The following NKAIN3 variants were observed in gnomAD, a reference collection of about 807,000 sequenced individuals.
The protein encoded by NKAIN3 is sodium/potassium-transporting ATPase subunit beta-1-interacting protein 3.
NKAIN3 carries 25 observed loss-of-function variants against 30.2 expected under a neutral mutation model. That is an observed-to-expected ratio of 0.83 (90% CI 0.60 to 1.16). The LOEUF is 1.16. NKAIN3 is among the 50% of genes most tolerant of loss of function. The pLI is 0.00. For missense variants in NKAIN3, 225 were observed against 254.1 expected (o/e 0.89, Z 0.78); for synonymous variants, 91 against 89.6 (o/e 1.02, Z -0.09).
At chr8:62,553,784 C>T (rs963936423) in intron 1 of NKAIN3, among the ~76,000 whole-genome samples, 20 of 152,056 alleles carry the variant, frequency 1.3e-4, no homozygotes, top group African/African-American at 3.4e-4. Flanking sequence ...GTGATCTGCT[C>T]GCCTCAGCCT....
intron 1 of NKAIN3, among the ~76,000 whole-genome samples, chr8:62,387,239 C>T (rs190652507): frequency 9.9e-5 from 15 of 151,736 alleles, no homozygotes; most frequent in Middle Eastern, 3.4e-3. Context: ...CACATGGGAG[C>T]GTGGGCCACA....
intron 1 of NKAIN3, among the ~76,000 whole-genome samples, chr8:62,503,342 A>G (rs1290727243): frequency 1.3e-5 from 2 of 152,186 alleles, no homozygotes; most frequent in African/African-American, 4.8e-5. Context: ...ACATGCTTCA[A>G]GGGGCAAAAG....
chr8:62,328,916 A>G (rs1025508682), intron 1 of NKAIN3, among the ~76,000 whole-genome samples: 1 of 152,110 alleles, frequency 6.6e-6, no homozygotes, highest in African/African-American at 2.4e-5. Context: ...TGTGGGATCC[A>G]TAGAATATTG....
chr8:62,571,684 G>A (rs904808767), intron 1 of NKAIN3, among the ~76,000 whole-genome samples: 5 of 152,092 alleles, frequency 3.3e-5, no homozygotes, highest in African/African-American at 9.7e-5. Flanking sequence ...CTGAAATCCA[G>A]ACAGAGGTTC....
chr8:62,616,448 A>G (rs1811456185), intron 3 of NKAIN3, among the ~76,000 whole-genome samples: 2 of 152,088 alleles, frequency 1.3e-5, no homozygotes, highest in East Asian at 1.9e-4. Flanking sequence ...AAAGGATACA[A>G]CTCAGGAGCA....
chr8:62,944,823 G>A (rs1014543567), intron 5 of NKAIN3, among the ~76,000 whole-genome samples: 2 of 152,100 alleles, frequency 1.3e-5, no homozygotes, highest in Non-Finnish European at 2.9e-5. Context: ...AATGAATGCA[G>A]CAGTTTTGTT....
At chr8:62,809,819 C>T (rs1275193795) in intron 4 of NKAIN3, among the ~76,000 whole-genome samples, 6 of 152,196 alleles carry the variant, frequency 3.9e-5, no homozygotes, top group African/African-American at 1.4e-4. Context: ...TTTGATCACA[C>T]AGCTGAGAAA....
chr8:62,916,559 C>T (rs904080698), intron 4 of NKAIN3, among the ~76,000 whole-genome samples: 6 of 152,126 alleles, frequency 3.9e-5, no homozygotes, highest in African/African-American at 1.2e-4. Flanking sequence ...TGTTCAGTCT[C>T]ACCCTTTGGA....
rs530796164 is a variant in NKAIN3, at chr8:62,661,045, A to G, written c.273+71251A>G. On this transcript the variant is annotated intron_variant, in intron 3 of 6. Coordinates refer to ENST00000623646, the MANE Select transcript of NKAIN3 (RefSeq NM_001304533.3). ...CCACCTTTCTAGTGCTTTTCCAGAT[A>G]CTCAACACAAGCAATTTGAGTAAGC... Among the ~76,000 whole-genome samples the G allele has an allele frequency of 2.6e-3, 394 of 152,306 alleles. 3 individuals carry two copies. Among genetic ancestry groups the G allele is most frequent in the African/African-American group, 8.6e-3 (358 of 41,566 alleles).
intron 3 of NKAIN3, among the ~76,000 whole-genome samples, chr8:62,722,751 C>T (rs764911819): frequency 3.9e-5 from 6 of 152,176 alleles, no homozygotes; most frequent in African/African-American, 9.7e-5. Context: ...CCTTCCCACA[C>T]AGACACATCA....
chr8:62,951,268 C>T (rs1823278495), intron 5 of NKAIN3, among the ~76,000 whole-genome samples: 1 of 151,992 alleles, frequency 6.6e-6, no homozygotes, highest in Admixed American at 6.6e-5. Flanking sequence ...AATGCACTGA[C>T]ACATTAGGAG....
intron 3 of NKAIN3, among the ~76,000 whole-genome samples, chr8:62,590,132 G>T (rs1423192397): frequency 6.6e-6 from 1 of 151,626 alleles, no homozygotes; most frequent in East Asian, 1.9e-4. Flanking sequence ...GTAGAAAATG[G>T]TTTTGAACAT....
chr8:62,819,011 A>T (rs949839582), intron 4 of NKAIN3, among the ~76,000 whole-genome samples: 1 of 151,954 alleles, frequency 6.6e-6, no homozygotes, highest in Non-Finnish European at 1.5e-5. Flanking sequence ...TCATGGTATA[A>T]TCAAAGAAAT....
rs1807302108 is a variant in NKAIN3, at chr8:62,498,112, T to C, written c.55-81427T>C. ...GACGGTAATCGTCAAACCTTTGGGT[T>C]GGATGAACTGAAAATAATATTTAGC... On this transcript the variant is annotated intron_variant, in intron 1 of 6. Coordinates refer to ENST00000623646, the MANE Select transcript of NKAIN3 (RefSeq NM_001304533.3). Among the ~76,000 whole-genome samples the C allele has an allele frequency of 2.0e-5, 3 of 152,240 alleles. No homozygotes were observed. The South Asian group carries it at 6.2e-4, about 32-fold the overall frequency.
At chr8:62,961,698 A>C (rs777149240) in intron 6 of NKAIN3, among the ~76,000 whole-genome samples, 4 of 152,214 alleles carry the variant, frequency 2.6e-5, no homozygotes, top group Admixed American at 1.3e-4. Flanking sequence ...AATTCTTGAC[A>C]AAATGTTAAC....
chr8:62,451,385 T>C (rs1425885478), intron 1 of NKAIN3, among the ~76,000 whole-genome samples: 1 of 146,626 alleles, frequency 6.8e-6, no homozygotes, highest in African/African-American at 2.5e-5. Context: ...TTTTAGGTAC[T>C]GCAAAGTCTG....
chr8:62,583,213 C>A (rs535279991), intron 2 of NKAIN3, among the ~76,000 whole-genome samples: 1 of 152,210 alleles, frequency 6.6e-6, no homozygotes, highest in East Asian at 1.9e-4. Flanking sequence ...TTCACAGAGT[C>A]CACCCATGAT....
rs1824143181 is a variant in NKAIN3, at chr8:62,983,834, A to G, written c.*18427A>G. On this transcript the variant is annotated 3_prime_UTR_variant, in exon 7 of 7. Coordinates refer to ENST00000623646, the MANE Select transcript of NKAIN3 (RefSeq NM_001304533.3). ...AAGAGCACGTCTACAGCTCCTAACA[A>G]TCAAAAACAACTATGAACACTGCTT... is the stretch of plus-strand genomic sequence containing the variant. 3 of 152,318 alleles carry G rather than the reference A, an allele frequency of 2.0e-5. No individual in the cohort carries two copies. Among genetic ancestry groups the G allele is most frequent in the South Asian group, 4.1e-4 (2 of 4,830 alleles). The allele number at this position is 152,318 out of a possible 1,614,324, so 9.4% of individuals were successfully genotyped here. A position where few individuals can be genotyped will look rare whatever the true frequency, so the allele number is the denominator to read the frequency against.
chr8:62,857,635 T>C (rs1448747121), intron 4 of NKAIN3, among the ~76,000 whole-genome samples: 1 of 152,218 alleles, frequency 6.6e-6, no homozygotes, highest in African/African-American at 2.4e-5. Context: ...ACTTGATCTA[T>C]TCTGCTATTA....
Sources: gnomAD v4.1 joint callset for allele counts (sites outside exome capture counted in the v4.1 genomes callset) on GRCh38, gnomAD v4.1.1 for gene constraint, MANE v1.5 for transcripts, NCBI Gene and HGNC (gene_info 2026-07-23, HGNC 2026-07-21) for gene names.